The following KAZN variants were observed in gnomAD, a reference collection of about 807,000 sequenced individuals.
The protein encoded by KAZN is kazrin, periplakin interacting protein.
KAZN carries 40 observed loss-of-function variants against 87.4 expected under a neutral mutation model. The ratio of observed to expected loss-of-function variants is 0.46; its 90% CI spans 0.36 to 0.60. The LOEUF (loss-of-function observed/expected upper bound fraction) is 0.60. KAZN is among the 20% of genes least tolerant of loss of function. The pLI is 0.00. For missense variants in KAZN, 898 were observed against 1,073.9 expected, an observed-to-expected ratio of 0.84 and a Z score of 2.29; for synonymous variants, 466 against 458.3, an observed-to-expected ratio of 1.02 and a Z score of -0.22.
intron 1 of KAZN, among the ~76,000 whole-genome samples, chr1:13,981,919 C>G (rs1638737001): frequency 6.6e-6 from 1 of 152,160 alleles, no homozygotes; most frequent in African/African-American, 2.4e-5. Flanking sequence ...GTGGGACTTT[C>G]TCATTGCACA....
At chr1:14,324,663 G>T (rs113158605) in intron 2 of KAZN, among the ~76,000 whole-genome samples, 8 of 152,100 alleles carry the variant, frequency 5.3e-5, no homozygotes, top group Non-Finnish European at 8.8e-5. Flanking sequence ...TTCTGCAAAG[G>T]GGGGGAAGTA....
In KAZN at chr1:15,081,087, C is replaced by T. The variant is rs80029630; in HGVS notation, c.1223-13093C>T. 2.2e-4 allele frequency among the ~76,000 whole-genome samples: 34 copies of T among 152,210 alleles called. 1 individual carries two copies. Among genetic ancestry groups the T allele is most frequent in the Admixed American group, 1.2e-3 (19 of 15,280 alleles). ...CTGCTGTGGCTGGAAGAGGCGTGGA[C>T]GAGGCGGGGTTGGCAGAAGATGAGA... On this transcript the variant is annotated intron_variant, in intron 8 of 14. Transcript: ENST00000376030. The surrounding 1 kb of genome is among the most constrained non-coding windows in gnomAD (Gnocchi z 4.1).
chr1:14,375,239 T>G (rs993832148), intron 2 of KAZN, among the ~76,000 whole-genome samples: 3 of 151,862 alleles, frequency 2.0e-5, no homozygotes, highest in African/African-American at 7.3e-5. Flanking sequence ...TCAGAAAGAG[T>G]GCAGGAGGTT....
At position 15,065,798 on chromosome 1, in the gene KAZN, T is replaced by TA. The variant is rs774068297; in HGVS notation, c.1222+46dup. Reference sequence around the variant, plus strand: ...CATAGAGGAGGACGCGGACTGGTGATACGCGCTCCCCTGCGCCTGCTGCCC... The same window carrying TA: ...CATAGAGGAGGACGCGGACTGGTGATAACGCGCTCCCCTGCGCCTGCTGCCC... On this transcript the variant is annotated intron_variant, in intron 8 of 14. Coordinates refer to ENST00000376030, the MANE Select transcript of KAZN (RefSeq NM_201628.3). 2.5e-6 allele frequency: 4 copies of TA among 1,605,100 alleles called. No individual in the cohort carries two copies. The South Asian group carries it at 3.3e-5, about 13-fold the overall frequency.
chr1:14,900,753 C>CAAAAAAAAA (rs34012645), intron 1 of KAZN, among the ~76,000 whole-genome samples: 1 of 132,016 alleles, frequency 7.6e-6, no homozygotes, highest in Non-Finnish European at 1.6e-5. Flanking sequence ...GACTCCATCT[C>CAAAAAAAAA]AAAAAAAAAA....
chr1:14,093,693 T>G (rs1644060919), intron 1 of KAZN, among the ~76,000 whole-genome samples: 1 of 152,164 alleles, frequency 6.6e-6, no homozygotes, highest in South Asian at 2.1e-4. Context: ...ATAGACAGTT[T>G]AACAGAAGAA....
chr1:13,908,242 A>G (rs1264203179), intron 1 of KAZN, among the ~76,000 whole-genome samples: 3 of 152,270 alleles, frequency 2.0e-5, no homozygotes, highest in Admixed American at 1.3e-4. Context: ...AACAGGCAGC[A>G]TCAACACATT....
intron 1 of KAZN, among the ~76,000 whole-genome samples, chr1:14,116,275 G>A (rs1261766256): frequency 6.6e-6 from 1 of 150,882 alleles, no homozygotes; most frequent in Admixed American, 6.6e-5. Flanking sequence ...CAGGCCCAGA[G>A]GCCTAGGAGA....
At chr1:13,928,597 G>A (rs780366543) in intron 1 of KAZN, among the ~76,000 whole-genome samples, 2 of 152,136 alleles carry the variant, frequency 1.3e-5, no homozygotes, top group Non-Finnish European at 2.9e-5. Context: ...ACTGTTGCCT[G>A]TACAATGTGT....
chr1:14,529,045 T>G (rs1311408068), intron 2 of KAZN, among the ~76,000 whole-genome samples: 1 of 152,190 alleles, frequency 6.6e-6, no homozygotes, highest in Admixed American at 6.5e-5. Flanking sequence ...GGCTCATGCC[T>G]GTAATCCCAG....
chr1:14,643,441 A>G (rs1284317302), intron 1 of KAZN, among the ~76,000 whole-genome samples: 1 of 152,152 alleles, frequency 6.6e-6, no homozygotes, highest in Non-Finnish European at 1.5e-5. Flanking sequence ...CTGTTCCTGC[A>G]TTAGTTTGCT....
chr1:14,990,019 A>T (rs1667198515), intron 2 of KAZN, among the ~76,000 whole-genome samples: 1 of 152,042 alleles, frequency 6.6e-6, no homozygotes, highest in African/African-American at 2.4e-5. Flanking sequence ...GTTTTATCAC[A>T]TTGCCATACA....
chr1:14,645,758 CT>C (rs981479529), intron 1 of KAZN, among the ~76,000 whole-genome samples: 3 of 152,190 alleles, frequency 2.0e-5, no homozygotes, highest in African/African-American at 7.2e-5. Flanking sequence ...TGCCCGATTG[CT>C]TTGGCTAGGA....
At chr1:14,409,421 A>T (rs906592336) in intron 2 of KAZN, among the ~76,000 whole-genome samples, 21 of 152,326 alleles carry the variant, frequency 1.4e-4, no homozygotes, top group South Asian at 8.3e-4. Flanking sequence ...CAGGAAGACA[A>T]CAAGAGCGCT....
At chr1:14,383,947 G>A (rs1661624055) in intron 2 of KAZN, among the ~76,000 whole-genome samples, 1 of 152,014 alleles carries the variant, frequency 6.6e-6, no homozygotes, top group Non-Finnish European at 1.5e-5. Flanking sequence ...CTACCCATGA[G>A]CATGGAATGT....
chr1:14,257,706 A>G (rs1275499259), intron 2 of KAZN, among the ~76,000 whole-genome samples: 1 of 144,012 alleles, frequency 6.9e-6, no homozygotes, highest in African/African-American at 2.6e-5. Context: ...CAGTTTTCCC[A>G]GCACCATATT....
chr1:14,834,165 A>G (rs927780179), intron 1 of KAZN, among the ~76,000 whole-genome samples: 2 of 151,738 alleles, frequency 1.3e-5, no homozygotes, highest in African/African-American at 4.8e-5. Context: ...CCTCCTGAGT[A>G]GCTAGGGTTG....
In KAZN at chr1:14,820,917, AT is replaced by A. The variant is rs1646720660; in HGVS notation, c.227-139766del. ...AAAGGTGAATAAGGGCTCAGACGAC[AT>A]GACGGCACCGGGGATGGCAAGGGCT... On this transcript the variant is annotated intron_variant, in intron 1 of 14. Transcript: ENST00000376030. This position sits in a 1 kb window ranked among gnomAD's most constrained non-coding sequence, Gnocchi z 4.1. 6.6e-6 allele frequency among the ~76,000 whole-genome samples: 1 copy of A among 152,206 alleles called. No individual in the cohort carries two copies. The highest frequency in any genetic ancestry group is 1.5e-5 in the Non-Finnish European group (1 of 68,050).
intron 1 of KAZN, among the ~76,000 whole-genome samples, chr1:14,032,949 C>T (rs754230191): frequency 7.9e-5 from 12 of 152,098 alleles, no homozygotes; most frequent in African/African-American, 2.4e-4. Flanking sequence ...TCTTCACCAG[C>T]GACCCTGATT....
Sources: gnomAD v4.1 joint callset for allele counts (sites outside exome capture counted in the v4.1 genomes callset) on GRCh38, gnomAD v4.1.1 for gene constraint, Gnocchi (gnomAD v3.1) non-coding constraint, MANE v1.5 for transcripts, NCBI Gene and HGNC (gene_info 2026-07-23, HGNC 2026-07-21) for gene names.